Variants in DSCAM observed in about 807,000 individuals in gnomAD.
DSCAM encodes cell adhesion molecule DSCAM.
A neutral mutation model predicts 217.7 loss-of-function variants in DSCAM; 47 were observed. That is an observed-to-expected ratio of 0.22 (90% CI 0.17 to 0.28). The LOEUF is 0.28. Ranked by LOEUF, DSCAM falls within the 10% of genes least tolerant of loss-of-function variation. The pLI, the probability that DSCAM is intolerant of heterozygous loss-of-function variation, is 1.00. For synonymous variants in DSCAM, 1,056 were observed against 1,015.3 expected, an observed-to-expected ratio of 1.04 and a Z score of -0.76; for missense variants, 2,080 against 2,618.3, an observed-to-expected ratio of 0.79 and a Z score of 4.49.
chr21:40,342,194 T>C (rs966558104), intron 6 of DSCAM, among the ~76,000 whole-genome samples: 1 of 152,188 alleles, frequency 6.6e-6, no homozygotes, highest in Non-Finnish European at 1.5e-5. Flanking sequence ...CAAGGAAATA[T>C]ATATATAGTA....
At chr21:40,463,852 C>T (rs539877345) in intron 3 of DSCAM, among the ~76,000 whole-genome samples, 44 of 152,278 alleles carry the variant, frequency 2.9e-4, no homozygotes, top group Non-Finnish European at 5.9e-4. Flanking sequence ...AACTGTTGGC[C>T]TTACCTCATA....
chr21:40,373,977 G>A (rs1053581850), intron 3 of DSCAM, among the ~76,000 whole-genome samples: 1 of 152,164 alleles, frequency 6.6e-6, no homozygotes, highest in Non-Finnish European at 1.5e-5. Context: ...AGATAGTCAT[G>A]CATCTACTGC....
At chr21:40,246,354 T>TAAAAAAAAAAAAAAAA (rs34308158) in intron 11 of DSCAM, among the ~76,000 whole-genome samples, 1 of 13,920 alleles carries the variant, frequency 7.2e-5, no homozygotes, top group African/African-American at 2.7e-4. Context: ...CAGTCCGTAC[T>TAAAAAAAAAAAAAAAA]AAAAAAAAAA....
At chr21:40,817,083 ATTCT>A (rs1365980080) in intron 1 of DSCAM, among the ~76,000 whole-genome samples, 1 of 123,530 alleles carries the variant, frequency 8.1e-6, no homozygotes, top group Non-Finnish European at 1.7e-5. Flanking sequence ...AGTAAATTAG[ATTCT>A]TTTTTTTTTT....
At chr21:40,376,207 C>G (rs1414288799) in intron 3 of DSCAM, among the ~76,000 whole-genome samples, 2 of 152,114 alleles carry the variant, frequency 1.3e-5, no homozygotes. Flanking sequence ...CTTTTCTCAG[C>G]TGCGCCTGCC....
intron 3 of DSCAM, among the ~76,000 whole-genome samples, chr21:40,450,867 T>C (rs2075713258): frequency 6.6e-6 from 1 of 152,220 alleles, no homozygotes; most frequent in Non-Finnish European, 1.5e-5. Flanking sequence ...AACAGTACTA[T>C]TTGTTTCTTT....
At chr21:40,486,034 G>A (rs989180426) in intron 3 of DSCAM, among the ~76,000 whole-genome samples, 2 of 152,000 alleles carry the variant, frequency 1.3e-5, no homozygotes, top group African/African-American at 2.4e-5. Flanking sequence ...ATAAACTGAG[G>A]GCAGCAAAAA....
At chr21:40,128,531 C>T (rs1292207859) in intron 19 of DSCAM, among the ~76,000 whole-genome samples, 3 of 151,850 alleles carry the variant, frequency 2.0e-5, no homozygotes, top group African/African-American at 7.3e-5. Context: ...ATCAGATGCG[C>T]CCCTTAGAAG....
chr21:40,113,081 C>T (rs899344562), intron 20 of DSCAM, among the ~76,000 whole-genome samples: 2 of 152,108 alleles, frequency 1.3e-5, no homozygotes, highest in African/African-American at 4.8e-5. Flanking sequence ...CCAGCATCAT[C>T]CTGATACCAA....
chr21:40,203,459 C>T (rs1403050227), intron 11 of DSCAM, among the ~76,000 whole-genome samples: 1 of 152,252 alleles, frequency 6.6e-6, no homozygotes, highest in Admixed American at 6.5e-5. Flanking sequence ...TTCTTTGTGG[C>T]ATCCCTCCCC....
intron 15 of DSCAM, among the ~76,000 whole-genome samples, chr21:40,168,506 A>G (rs1171317510): frequency 6.6e-6 from 1 of 152,196 alleles, no homozygotes; most frequent in East Asian, 1.9e-4. Context: ...GATCAGAGGG[A>G]AAGAATCCTT....
intron 8 of DSCAM, among the ~76,000 whole-genome samples, chr21:40,324,141 A>T (rs1365339894): frequency 2.7e-5 from 4 of 150,052 alleles, no homozygotes; most frequent in Admixed American, 6.6e-5. Flanking sequence ...AGAAAAAAAA[A>T]AGAGAGAGAG....
chr21:40,640,196 T>TCAAGAGAAGTGGCAGAGAGGAAA (rs2089860705), intron 3 of DSCAM, among the ~76,000 whole-genome samples: 1 of 115,728 alleles, frequency 8.6e-6, no homozygotes, highest in Admixed American at 1.1e-4. Flanking sequence ...GGCAGAAAAC[T>TCAAGAGAAGTGGCAGAGAGGAAA]ATGGGAAGGT....
At chr21:40,299,890 T>A (rs1018919330) in intron 9 of DSCAM, among the ~76,000 whole-genome samples, 2 of 152,182 alleles carry the variant, frequency 1.3e-5, no homozygotes, top group African/African-American at 4.8e-5. Flanking sequence ...AATGGCAGCC[T>A]AAGAAATTGT....
chr21:40,078,814 A>G lies in DSCAM; in HGVS notation c.4584T>C (p.Ser1528=), dbSNP rs1375118156. The change falls in exon 26 of 33, where the codon TCT becomes TCC. Residue 1528 remains serine, a synonymous_variant. Coordinates refer to ENST00000400454, the MANE Select transcript of DSCAM (RefSeq NM_001389.5). The stretch of plus-strand genomic sequence containing the variant: ...CATACAGGATGTAGGACTTGGAGAG[A>G]GAGGTCCTCTGAGCTGTGGTCCAAA... ...TTVWTTAQRT[S]LSKSYILYDL... 6.2e-7 allele frequency: 1 copy of G among 1,614,128 alleles called. No individual in the cohort carries two copies. Among genetic ancestry groups the G allele is most frequent in the East Asian group, 2.2e-5 (1 of 44,896 alleles).
At chr21:40,161,501 T>C (rs558188697) in intron 16 of DSCAM, among the ~76,000 whole-genome samples, 5 of 152,180 alleles carry the variant, frequency 3.3e-5, no homozygotes, top group Admixed American at 6.5e-5. Context: ...ATTTAACGCA[T>C]ATTAATTGCA....
intron 3 of DSCAM, among the ~76,000 whole-genome samples, chr21:40,380,950 C>A (rs894991288): frequency 6.6e-6 from 1 of 150,430 alleles, no homozygotes; most frequent in African/African-American, 2.4e-5. Context: ...GTAGTCCCAG[C>A]TGCTCGGGAG....
intron 3 of DSCAM, among the ~76,000 whole-genome samples, chr21:40,428,676 T>A (rs1309344025): frequency 6.6e-6 from 1 of 152,160 alleles, no homozygotes; most frequent in African/African-American, 2.4e-5. Context: ...CCAAACAGGA[T>A]ATGCAAATTT....
chr21:40,185,038 G>A (rs553664613), intron 14 of DSCAM, among the ~76,000 whole-genome samples: 1 of 152,306 alleles, frequency 6.6e-6, no homozygotes, highest in East Asian at 1.9e-4. Flanking sequence ...GGGTGTTGGA[G>A]AAATGAGCTG....
Sources: gnomAD v4.1 joint callset for allele counts (sites outside exome capture counted in the v4.1 genomes callset) on GRCh38, gnomAD v4.1.1 for gene constraint, MANE v1.5 for transcripts, NCBI Gene and HGNC (gene_info 2026-07-23, HGNC 2026-07-21) for gene names.